RASSF8: variants seen among roughly 807,000 people sequenced by gnomAD.
RASSF8 encodes the protein ras association domain-containing protein 8.
In RASSF8, 22 loss-of-function variants were observed where a neutral mutation model predicts 48.5. The observed-to-expected ratio is 0.45, with a 90% CI of 0.32 to 0.65. RASSF8 has a LOEUF of 0.65. Ranked by LOEUF, RASSF8 falls within the 30% of genes least tolerant of loss-of-function variation. The pLI is 0.03. For missense variants in RASSF8, 418 were observed against 489.2 expected (o/e 0.85, Z 1.37); for synonymous variants, 127 against 171.5 (o/e 0.74, Z 2.03).
intron 2 of RASSF8, among the ~76,000 whole-genome samples, chr12:26,045,929 T>C (rs1047716448): frequency 3.9e-5 from 6 of 152,220 alleles, no homozygotes; most frequent in Non-Finnish European, 7.4e-5. Context: ...AAAAAGTCCC[T>C]AATCAGGTGG....
chr12:25,985,915 T>A (rs2136925957), intron 1 of RASSF8, among the ~76,000 whole-genome samples: 1 of 152,328 alleles, frequency 6.6e-6, no homozygotes, highest in South Asian at 2.1e-4. Flanking sequence ...TACCTGTGCC[T>A]CTCGTATCAT....
intron 2 of RASSF8, among the ~76,000 whole-genome samples, chr12:26,016,130 A>C (rs1014118382): frequency 6.6e-6 from 1 of 152,026 alleles, no homozygotes; most frequent in Non-Finnish European, 1.5e-5. Flanking sequence ...TTTTCCCTTG[A>C]AATGCATGGA....
chr12:26,008,133 T>C (rs1433446359), intron 2 of RASSF8, among the ~76,000 whole-genome samples: 10 of 151,500 alleles, frequency 6.6e-5, no homozygotes, highest in Non-Finnish European at 1.2e-4. Context: ...ATTAGTCAGG[T>C]GTGGTGGCGG....
chr12:26,012,447 T>C (rs1436035274), intron 2 of RASSF8, among the ~76,000 whole-genome samples: 1 of 152,188 alleles, frequency 6.6e-6, no homozygotes, highest in Non-Finnish European at 1.5e-5. Flanking sequence ...ATTTAGCCTT[T>C]TTTCAGTGGC....
Position 26,072,033 on chromosome 12 carries a change from A to G in RASSF8, c.*3215A>G, listed in dbSNP as rs1944010021. The G allele has an allele frequency of 1.7e-5, 17 of 985,398 alleles. No individual in the cohort carries two copies. Among genetic ancestry groups the G allele is most frequent in the Non-Finnish European group, 1.8e-5 (15 of 829,886 alleles). 61.0% of individuals were successfully genotyped at this position (985,398 alleles called of 1,614,324 possible). ...AGATAGAACTGTAATGGATTGAGGA[A>G]ATAACACAGAAAAGACAAAAACTTT... On this transcript the variant is annotated 3_prime_UTR_variant, in exon 6 of 6. Coordinates refer to ENST00000689635, the MANE Select transcript of RASSF8 (RefSeq NM_001394098.1).
At chr12:25,969,075 G>A (rs970676291) in intron 1 of RASSF8, among the ~76,000 whole-genome samples, 3 of 152,234 alleles carry the variant, frequency 2.0e-5, no homozygotes, top group African/African-American at 7.2e-5. Flanking sequence ...AAGGCTGGGG[G>A]GAGCAAAGGG....
In RASSF8 at chr12:26,072,005, C is replaced by T; in HGVS notation, c.*3187C>T. On this transcript the variant is annotated 3_prime_UTR_variant, in exon 6 of 6. Coordinates refer to ENST00000689635, the MANE Select transcript of RASSF8 (RefSeq NM_001394098.1). ...TTGAAGCCATTTCTGTAAACATCTT[C>T]CAAGATAGAACTGTAATGGATTGAG... 1.0e-6 allele frequency: 1 copy of T among 985,334 alleles called. No individual in the cohort carries two copies. 61.0% of individuals were successfully genotyped at this position (985,334 alleles called of 1,614,324 possible).
At chr12:25,981,876 G>A (rs1941752938) in intron 1 of RASSF8, among the ~76,000 whole-genome samples, 1 of 152,230 alleles carries the variant, frequency 6.6e-6, no homozygotes, top group African/African-American at 2.4e-5. Context: ...ACTTTAACCT[G>A]CTCTTAGGTC....
chr12:26,008,647 T>A (rs1183377064), intron 2 of RASSF8, among the ~76,000 whole-genome samples: 1 of 152,262 alleles, frequency 6.6e-6, no homozygotes, highest in African/African-American at 2.4e-5. Flanking sequence ...TAATTTCTTA[T>A]AGTAATATTT....
At chr12:25,975,622 A>C (rs1453146795) in intron 1 of RASSF8, among the ~76,000 whole-genome samples, 1 of 152,244 alleles carries the variant, frequency 6.6e-6, no homozygotes, top group Non-Finnish European at 1.5e-5. Context: ...TGTTACAAAG[A>C]TAAGAAATGG....
intron 1 of RASSF8, among the ~76,000 whole-genome samples, chr12:25,988,400 A>G (rs1941938838): frequency 6.6e-6 from 1 of 152,144 alleles, no homozygotes; most frequent in Non-Finnish European, 1.5e-5. Context: ...AATTCACACA[A>G]TAAGCTGGAT....
chr12:26,026,189 G>T (rs1276954240), intron 2 of RASSF8, among the ~76,000 whole-genome samples: 1 of 152,132 alleles, frequency 6.6e-6, no homozygotes, highest in East Asian at 1.9e-4. Flanking sequence ...AAAGTGAAAA[G>T]ACAACTTTAA....
chr12:25,994,683 A>G (rs930247328), intron 1 of RASSF8, among the ~76,000 whole-genome samples: 2 of 152,232 alleles, frequency 1.3e-5, no homozygotes, highest in Non-Finnish European at 1.5e-5. Context: ...GCTACTTTCA[A>G]GAAATCAGTG....
At chr12:25,991,173 G>A (rs549894959) in intron 1 of RASSF8, among the ~76,000 whole-genome samples, 8 of 151,420 alleles carry the variant, frequency 5.3e-5, no homozygotes, top group African/African-American at 1.9e-4. Flanking sequence ...GGAAATGAAG[G>A]GTTTGCATTC....
At chr12:26,057,302 G>A (rs577790220) in intron 3 of RASSF8, among the ~76,000 whole-genome samples, 28 of 152,110 alleles carry the variant, frequency 1.8e-4, no homozygotes, top group African/African-American at 5.5e-4. Flanking sequence ...CAACAGGCCC[G>A]GTGTGTGGTG....
At chr12:25,992,180 A>G (rs144618217) in intron 1 of RASSF8, among the ~76,000 whole-genome samples, 4 of 152,348 alleles carry the variant, frequency 2.6e-5, no homozygotes, top group African/African-American at 4.8e-5. Context: ...CTCTGAATTC[A>G]TCAAGCCTTC....
chr12:26,042,420 T>C (rs1943284672), intron 2 of RASSF8, among the ~76,000 whole-genome samples: 1 of 152,264 alleles, frequency 6.6e-6, no homozygotes, highest in Non-Finnish European at 1.5e-5. Flanking sequence ...GTTTACTTTA[T>C]GAATTCCTTC....
At chr12:26,014,167 A>C (rs901633252) in intron 2 of RASSF8, among the ~76,000 whole-genome samples, 5 of 152,232 alleles carry the variant, frequency 3.3e-5, no homozygotes, top group African/African-American at 1.2e-4. Context: ...CACTCACTAC[A>C]GCAGCAAACT....
At chr12:25,988,589 G>A (rs2136936784) in intron 1 of RASSF8, among the ~76,000 whole-genome samples, 1 of 152,244 alleles carries the variant, frequency 6.6e-6, no homozygotes, top group Non-Finnish European at 1.5e-5. Context: ...TTAGAAAATA[G>A]CCCTCTCCCT....
Sources: gnomAD v4.1 joint callset for allele counts (sites outside exome capture counted in the v4.1 genomes callset) on GRCh38, gnomAD v4.1.1 for gene constraint, MANE v1.5 for transcripts, NCBI Gene and HGNC (gene_info 2026-07-23, HGNC 2026-07-21) for gene names.